Variants in EPB41L5 observed in about 807,000 individuals in gnomAD.
EPB41L5 encodes the protein erythrocyte membrane protein band 4.1 like 5, also known as band 4.1-like protein 5.
Under a neutral mutation model 106.6 loss-of-function variants are expected in EPB41L5, and 55 were observed. The ratio of observed to expected loss-of-function variants is 0.52; its 90% confidence interval spans 0.42 to 0.65. The LOEUF (loss-of-function observed/expected upper bound fraction) is 0.65. Ranked by LOEUF, EPB41L5 falls within the 30% of genes least tolerant of loss-of-function variation. EPB41L5 has a pLI of 0.00. For synonymous variants in EPB41L5, 297 were observed against 306.7 expected (o/e 0.97, Z 0.33); for missense variants, 871 against 882.1 (o/e 0.99, Z 0.16).
intron 20 of EPB41L5, among the ~76,000 whole-genome samples, chr2:120,154,986 G>C (rs1369635885): frequency 6.6e-6 from 1 of 152,072 alleles, no homozygotes; most frequent in African/African-American, 2.4e-5. Flanking sequence ...ATTTGTAATT[G>C]TTTTATGTAT....
At chr2:120,047,256 T>C (rs1318030951) in intron 3 of EPB41L5, among the ~76,000 whole-genome samples, 1 of 152,360 alleles carries the variant, frequency 6.6e-6, no homozygotes, top group African/African-American at 2.4e-5. Context: ...TTGGGCAGTA[T>C]GGCTATTTTC....
chr2:120,100,967 T>TG (rs1169981213), intron 16 of EPB41L5, among the ~76,000 whole-genome samples, 153 bp downstream of exon 16: 1 of 152,218 alleles, frequency 6.6e-6, no homozygotes, highest in African/African-American at 2.4e-5. Context: ...CATATTGAGA[T>TG]GGGGAAAATA....
chr2:120,070,685 AC>A (rs1472178376), intron 3 of EPB41L5, among the ~76,000 whole-genome samples: 1 of 152,232 alleles, frequency 6.6e-6, no homozygotes, highest in Non-Finnish European at 1.5e-5. Context: ...GGTTCAACAT[AC>A]GCAAATCAAT....
In EPB41L5 at chr2:120,061,278, A is replaced by C. The variant is rs1180274683; in HGVS notation, c.286-11900A>C. Among the ~76,000 whole-genome samples, 79 of 144,530 alleles carry C rather than the reference A, an allele frequency of 5.5e-4. 1 individual carries two copies. Among genetic ancestry groups the C allele is most frequent in the African/African-American group, 1.9e-3 (73 of 39,210 alleles). 94.8% of individuals were successfully genotyped at this position (144,530 alleles called of 152,430 possible). A position where few individuals can be genotyped will look rare whatever the true frequency, so the allele number is the denominator to read the frequency against. ...CGCTCTGTCGCCCAGGCTGGAGTGC[A>C]GTGGCGGGATCTCGGCTCACTGCAA... On this transcript the variant is annotated intron_variant, in intron 3 of 24. Coordinates refer to ENST00000263713, the MANE Select transcript of EPB41L5 (RefSeq NM_020909.4).
At chr2:120,106,430 T>A (rs941842176) in intron 16 of EPB41L5, 41 of 985,148 alleles carry the variant, frequency 4.2e-5, no homozygotes, top group Non-Finnish European at 4.6e-5. Context: ...TATTTATAAG[T>A]AGCTCAACCT....
Position 120,176,308 on chromosome 2 carries a change from T to A in EPB41L5, c.*1401T>A, listed in dbSNP as rs1371430046. ...CTGGAATTTGCTTTCTAGTTTTCTG[T>A]CCTGCAATATGTATATAATTAAGCA... On this transcript the variant is annotated 3_prime_UTR_variant, in exon 25 of 25. Coordinates refer to ENST00000263713, the MANE Select transcript of EPB41L5 (RefSeq NM_020909.4). 6.6e-6 allele frequency: 1 copy of A among 152,332 alleles called. No homozygotes were observed. The highest frequency in any genetic ancestry group is 1.5e-5 in the Non-Finnish European group (1 of 68,044). 9.4% of individuals were successfully genotyped at this position (152,332 alleles called of 1,614,324 possible). A position where few individuals can be genotyped will look rare whatever the true frequency, so the allele number is the denominator to read the frequency against.
At chr2:120,146,340 CT>C (rs979952254) in intron 20 of EPB41L5, 51 bp downstream of exon 20, 35 of 1,346,952 alleles carry the variant, frequency 2.6e-5, no homozygotes, top group East Asian at 4.7e-5. Flanking sequence ...CTATCTTTGT[CT>C]TTTTTTTCTT....
chr2:120,146,226 T>G lies in EPB41L5; in HGVS notation c.1730T>G (p.Val577Gly). ...TTTTTTAATATTTCATTTTCTTAGG[T>G]TACAAAAGAAGATAGCTTATTAAGT... is the stretch of plus-strand genomic sequence containing the variant. ...LKAQVEAVHK[V>G]TKEDSLLSHK... Residue 577 changes from valine to glycine, a missense_variant and splice_region_variant, in exon 20 of 25, where the codon GTT becomes GGT. Val to Gly is a moderately radical substitution (Grantham distance 109). Transcript: ENST00000263713. 1 of 1,585,874 alleles carries G rather than the reference T, an allele frequency of 6.3e-7. No individual in the cohort carries two copies. The highest frequency in any genetic ancestry group is 8.7e-7 in the Non-Finnish European group (1 of 1,155,740).
chr2:120,078,469 C>T (rs774909828), intron 9 of EPB41L5, 24 bp from the exon 10 acceptor site: 154 of 1,495,224 alleles, frequency 1.0e-4, no homozygotes, highest in Non-Finnish European at 1.4e-4. Flanking sequence ...ATAAAGCTAA[C>T]ACATTTTTCT....
intron 20 of EPB41L5, among the ~76,000 whole-genome samples, chr2:120,148,641 A>G (rs1385236745): frequency 6.6e-6 from 1 of 152,078 alleles, no homozygotes; most frequent in Admixed American, 6.5e-5. Flanking sequence ...TCTTACATTC[A>G]ACGTAATATT....
At chr2:120,161,359 T>C (rs1687133561) in intron 21 of EPB41L5, among the ~76,000 whole-genome samples, 2 of 138,398 alleles carry the variant, frequency 1.4e-5, no homozygotes, top group African/African-American at 5.5e-5. Flanking sequence ...GCCTGAGTAA[T>C]ACAGTGAGAC....
intron 3 of EPB41L5, among the ~76,000 whole-genome samples, chr2:120,069,172 G>A (rs1200174938): frequency 2.3e-5 from 3 of 128,478 alleles, no homozygotes; most frequent in South Asian, 2.5e-4. Flanking sequence ...AAAAAAGCAG[G>A]GGTTGCAATC....
chr2:120,034,204 A>T (rs910651560), intron 2 of EPB41L5, among the ~76,000 whole-genome samples: 1 of 152,238 alleles, frequency 6.6e-6, no homozygotes, highest in African/African-American at 2.4e-5. Flanking sequence ...TATAACCTTG[A>T]AAAGGTTTTT....
chr2:120,053,420 A>C (rs1680421627), intron 3 of EPB41L5, among the ~76,000 whole-genome samples: 1 of 152,174 alleles, frequency 6.6e-6, no homozygotes, highest in Non-Finnish European at 1.5e-5. Context: ...TATATTTAGA[A>C]TTGTTCAGCC....
chr2:120,023,711 C>T (rs1678103663), intron 2 of EPB41L5, among the ~76,000 whole-genome samples: 1 of 152,116 alleles, frequency 6.6e-6, no homozygotes, highest in South Asian at 2.1e-4. Context: ...TTTTCTAATT[C>T]TGTGAAGAAA....
intron 3 of EPB41L5, among the ~76,000 whole-genome samples, chr2:120,050,660 T>G (rs1321485724): frequency 6.6e-6 from 1 of 152,248 alleles, no homozygotes; most frequent in Non-Finnish European, 1.5e-5. Context: ...TCGCAACTTG[T>G]CAAAGTCATT....
intron 10 of EPB41L5, among the ~76,000 whole-genome samples, chr2:120,082,623 A>G (rs1682755300): frequency 6.6e-6 from 1 of 152,200 alleles, no homozygotes; most frequent in Non-Finnish European, 1.5e-5. Context: ...GCCTCATAAA[A>G]TGCGTTAGGG....
chr2:120,040,136 T>C (rs758673090), intron 2 of EPB41L5, among the ~76,000 whole-genome samples: 2 of 151,830 alleles, frequency 1.3e-5, no homozygotes, highest in South Asian at 4.1e-4. Context: ...ATGGCAGCAC[T>C]GACGTAGGAA....
chr2:120,148,398 C>T (rs1686508136), intron 20 of EPB41L5, among the ~76,000 whole-genome samples: 1 of 151,468 alleles, frequency 6.6e-6, no homozygotes, highest in African/African-American at 2.4e-5. Context: ...CATATATACT[C>T]ATCCTCATTC....
Sources: gnomAD v4.1 joint callset for allele counts (sites outside exome capture counted in the v4.1 genomes callset) on GRCh38, gnomAD v4.1.1 for gene constraint, MANE v1.5 for transcripts, NCBI Gene and HGNC (gene_info 2026-07-23, HGNC 2026-07-21) for gene names.